KLRD1: variants seen among roughly 807,000 people sequenced by gnomAD.
KLRD1 encodes the protein natural killer cells antigen CD94.
Under a neutral mutation model 22.6 loss-of-function variants are expected in KLRD1, and 21 were observed. The observed-to-expected ratio is 0.93, with a 90% CI of 0.66 to 1.34. KLRD1 has a LOEUF of 1.34. Among genes scored for constraint, KLRD1 ranks in the 40% most tolerant of loss-of-function variants. The pLI, the probability that KLRD1 is intolerant of heterozygous loss-of-function variation, is 0.00. For synonymous variants in KLRD1, 59 were observed against 71.1 expected (o/e 0.83, Z 0.85); for missense variants, 183 against 208.6 (o/e 0.88, Z 0.76).
At position 10,307,988 on chromosome 12, in the gene KLRD1, C is replaced by A. The variant is rs745480085; in HGVS notation, c.-90C>A. ...ATACTCAACTTTCAGATTCTTTAAT[C>A]TCCAGCTCAGCTTCAACAATTCAAC... On this transcript the variant is annotated 5_prime_UTR_variant, in exon 1 of 6. Coordinates refer to ENST00000336164, the MANE Select transcript of KLRD1 (RefSeq NM_002262.5). 1.1e-5 allele frequency: 13 copies of A among 1,169,438 alleles called. No individual in the cohort carries two copies. The highest frequency in any genetic ancestry group is 1.7e-5 in the Non-Finnish European group (13 of 787,510). 72.4% of individuals were successfully genotyped at this position (1,169,438 alleles called of 1,614,324 possible).
At chr12:10,260,655 AT>A (rs942256081) in intron 1 of KLRD1, among the ~76,000 whole-genome samples, 102 of 138,540 alleles carry the variant, frequency 7.4e-4, no homozygotes, top group Admixed American at 1.4e-3. Flanking sequence ...ACAAAAAAAA[AT>A]TGGGCTGGGC....
In KLRD1 at chr12:10,319,272, C is replaced by G. The variant is rs1489039865; in HGVS notation, c.*4479C>G. 1.3e-5 allele frequency: 2 copies of G among 152,148 alleles called. No homozygotes were observed. Among genetic ancestry groups the G allele is most frequent in the African/African-American group, 2.4e-5 (1 of 41,424 alleles). 9.4% of individuals were successfully genotyped at this position (152,148 alleles called of 1,614,324 possible). A position where few individuals can be genotyped will look rare whatever the true frequency, so the allele number is the denominator to read the frequency against. ...TATTCTTTTCCAGGTCACTTCTTAC[C>G]AGTTGTAAATGTACTTACAAATTTT... On this transcript the variant is annotated 3_prime_UTR_variant, in exon 6 of 6. Transcript: ENST00000336164.
chr12:10,266,217 C>G (rs1263734849), intron 1 of KLRD1, among the ~76,000 whole-genome samples: 3 of 151,986 alleles, frequency 2.0e-5, no homozygotes, highest in Non-Finnish European at 4.4e-5. Context: ...TACATACATA[C>G]TTGTTTCTTA....
intron 1 of KLRD1, among the ~76,000 whole-genome samples, chr12:10,241,441 G>A (rs1949240097): frequency 6.6e-6 from 1 of 152,160 alleles, no homozygotes; most frequent in South Asian, 2.1e-4. Context: ...TAAATAGCTA[G>A]TCTTGACTCA....
intron 4 of KLRD1, among the ~76,000 whole-genome samples, chr12:10,312,569 G>A (rs1260371870): frequency 2.7e-5 from 4 of 150,186 alleles, no homozygotes; most frequent in African/African-American, 7.3e-5. Flanking sequence ...TAGTAGAGAC[G>A]CGGTTTCACC....
At position 10,328,345 on chromosome 12, in the gene KLRD1, A is replaced by G. The variant is rs1274283783; in HGVS notation, c.*13552A>G. 1 of 152,030 alleles carries G rather than the reference A, an allele frequency of 6.6e-6. No individual in the cohort carries two copies. The highest frequency in any genetic ancestry group is 2.4e-5 in the African/African-American group (1 of 41,408). 9.4% of individuals were successfully genotyped at this position (152,030 alleles called of 1,614,324 possible). ...GATTCAATCTTCATTCTAGTTATAGATACGCTCATATTTTCTATTTCTTCA... is the reference window on the plus strand; with the variant it reads ...GATTCAATCTTCATTCTAGTTATAGGTACGCTCATATTTTCTATTTCTTCA... On this transcript the variant is annotated 3_prime_UTR_variant, in exon 6 of 6. Transcript: ENST00000336164.
chr12:10,311,428 C>T (rs752537720), intron 3 of KLRD1, 36 bp from the exon 4 acceptor site: 2 of 1,589,626 alleles, frequency 1.3e-6, no homozygotes, highest in Non-Finnish European at 1.7e-6. Context: ...TGTCTAGTCT[C>T]CAGTGTCATT....
In KLRD1 at chr12:10,323,131, A is replaced by G. The variant is rs967717921; in HGVS notation, c.*8338A>G. 6.6e-6 allele frequency: 1 copy of G among 152,224 alleles called. No individual in the cohort carries two copies. Among genetic ancestry groups the G allele is most frequent in the Non-Finnish European group, 1.5e-5 (1 of 68,032 alleles). 9.4% of individuals were successfully genotyped at this position (152,224 alleles called of 1,614,324 possible). Reference sequence around the variant, plus strand: ...GAGTAAAATTGCTATAAACATTTTAATATAGCTCTTGTGGGACATGTGGCT... The same window carrying G: ...GAGTAAAATTGCTATAAACATTTTAGTATAGCTCTTGTGGGACATGTGGCT... On this transcript the variant is annotated 3_prime_UTR_variant, in exon 6 of 6. Coordinates refer to ENST00000336164, the MANE Select transcript of KLRD1 (RefSeq NM_002262.5).
At chr12:10,284,416 C>T (rs910982092) in intron 1 of KLRD1, among the ~76,000 whole-genome samples, 15 of 152,170 alleles carry the variant, frequency 9.9e-5, no homozygotes, top group Non-Finnish European at 1.8e-4. Flanking sequence ...CATACTGACA[C>T]AGGAGATAAG....
At chr12:10,296,440 C>CG (rs1188120246) in intron 1 of KLRD1, among the ~76,000 whole-genome samples, 2 of 151,844 alleles carry the variant, frequency 1.3e-5, no homozygotes, top group African/African-American at 4.8e-5. Flanking sequence ...CGAGTGAACC[C>CG]GGGAGGTGGA....
chr12:10,285,330 C>T (rs1192183954), intron 1 of KLRD1, among the ~76,000 whole-genome samples: 2 of 152,008 alleles, frequency 1.3e-5, no homozygotes, highest in Non-Finnish European at 2.9e-5. Flanking sequence ...TCTGTAAAAC[C>T]ACAGCCAGTC....
rs1950300192 is a variant in KLRD1 at position 10,320,272 on chromosome 12, A to C, written c.*5479A>C. On this transcript the variant is annotated 3_prime_UTR_variant, in exon 6 of 6. Transcript: ENST00000336164. ...AAGTTACTATTATAAAGAAAAAAAA[A>C]AACCACTAAAATTTTGGAGTGCTTG... is the stretch of plus-strand genomic sequence containing the variant. The C allele has an allele frequency of 1.3e-5, 2 of 151,728 alleles. No individual in the cohort carries two copies. The highest frequency in any genetic ancestry group is 4.8e-5 in the African/African-American group (2 of 41,336). The allele number at this position is 151,728 out of a possible 1,614,324, so 9.4% of individuals were successfully genotyped here. A position where few individuals can be genotyped will look rare whatever the true frequency, so the allele number is the denominator to read the frequency against.
At chr12:10,247,950 G>T (rs1252998981) in intron 1 of KLRD1, among the ~76,000 whole-genome samples, 1 of 152,142 alleles carries the variant, frequency 6.6e-6, no homozygotes, top group Non-Finnish European at 1.5e-5. Context: ...CCCTATAGCA[G>T]CATGAGTACG....
intron 1 of KLRD1, chr12:10,309,140 C>T (rs998413211): frequency 6.0e-6 from 2 of 334,302 alleles, no homozygotes; most frequent in Non-Finnish European, 1.1e-5. Flanking sequence ...GGTAAATTCA[C>T]TTTACTGCAA....
chr12:10,307,546 G>A (rs1949952290), upstream of KLRD1, among the ~76,000 whole-genome samples: 1 of 152,102 alleles, frequency 6.6e-6, no homozygotes, highest in Non-Finnish European at 1.5e-5. Flanking sequence ...AATGAGCTAA[G>A]ATATGCCAAG....
intron 1 of KLRD1, among the ~76,000 whole-genome samples, chr12:10,262,724 A>G (rs1189137577): frequency 6.6e-6 from 1 of 152,080 alleles, no homozygotes; most frequent in Non-Finnish European, 1.5e-5. Flanking sequence ...TATTTGCAAA[A>G]GAGAATACTA....
chr12:10,269,194 C>G (rs986290176), intron 1 of KLRD1, among the ~76,000 whole-genome samples: 1 of 151,972 alleles, frequency 6.6e-6, no homozygotes, highest in African/African-American at 2.4e-5. Context: ...TTTGCCGCCC[C>G]GGCTGGAGTG....
upstream of KLRD1, chr12:10,307,740 A>G: frequency 4.6e-6 from 1 of 218,492 alleles, no homozygotes; most frequent in Admixed American, 5.7e-5. Context: ...AAACAGCAAC[A>G]AAACTCCCTC....
intron 1 of KLRD1, among the ~76,000 whole-genome samples, chr12:10,257,169 G>C (rs1478149051): frequency 7.1e-5 from 9 of 125,960 alleles, no homozygotes; most frequent in African/African-American, 2.8e-4. Context: ...AAGATTTGCT[G>C]CTTGGCTTTG....
Sources: gnomAD v4.1 joint callset for allele counts (sites outside exome capture counted in the v4.1 genomes callset) on GRCh38, gnomAD v4.1.1 for gene constraint, MANE v1.5 for transcripts, NCBI Gene and HGNC (gene_info 2026-07-23, HGNC 2026-07-21) for gene names.